The following COL8A2 variants were observed in gnomAD, a reference collection of about 807,000 sequenced individuals.
COL8A2 encodes collagen alpha-2(VIII) chain.
A neutral mutation model predicts 24.0 loss-of-function variants in COL8A2; 16 were observed. The observed-to-expected ratio is 0.67, with a 90% CI of 0.45 to 1.01. The LOEUF (loss-of-function observed/expected upper bound fraction) is 1.01. Ranked by LOEUF, COL8A2 falls within the 50% of genes least tolerant of loss-of-function variation. The pLI, the probability that COL8A2 is intolerant of heterozygous loss-of-function variation, is 0.00. For synonymous variants in COL8A2, 466 were observed against 424.5 expected (o/e 1.10, Z -1.20); for missense variants, 818 against 942.4 (o/e 0.87, Z 1.73).
chr1:36,098,303 C>T lies in COL8A2; in HGVS notation c.1378G>A (p.Gly460Ser). ...LGLPGQPGLR[G>S]PSGIPGLQGP... Reference sequence around the variant, plus strand: ...TGGAGTCCTGGGATTCCTGAGGGACCCCTCAGGCCAGGCTGCCCAGGGAGC... The same window carrying T: ...TGGAGTCCTGGGATTCCTGAGGGACTCCTCAGGCCAGGCTGCCCAGGGAGC... Residue 460 changes from glycine to serine, a missense_variant, in exon 4 of 4, where the codon GGT becomes AGT. Physicochemically the swap from Gly to Ser is moderately conservative, Grantham distance 56. Coordinates refer to ENST00000397799, the MANE Select transcript of COL8A2 (RefSeq NM_005202.4). The T allele has an allele frequency of 1.3e-6, 2 of 1,547,398 alleles. No homozygotes were observed. The highest frequency in any genetic ancestry group is 1.7e-6 in the Non-Finnish European group (2 of 1,146,058).
chr1:36,104,578 C>T (rs542481402), intron 2 of COL8A2, among the ~76,000 whole-genome samples: 22 of 151,822 alleles, frequency 1.4e-4, no homozygotes, highest in South Asian at 4.2e-4. Context: ...GAGGCCGAGG[C>T]GGGCGGATCA....
rs745369274 is a variant in COL8A2 at position 36,100,223 on chromosome 1, G to A, written c.20C>T (p.Pro7Leu). The A allele has an allele frequency of 1.9e-6, 3 of 1,573,182 alleles. No individual in the cohort carries two copies. Among genetic ancestry groups the A allele is most frequent in the South Asian group, 1.1e-5 (1 of 87,210 alleles). Residue 7 changes from proline (P) to leucine (L), a missense_variant, in exon 3 of 4, where the codon CCC becomes CTC. Physicochemically the swap from Pro to Leu is moderately conservative, Grantham distance 98. This residue lies in a region of COL8A2 where 573 missense variants were observed against 616.8 expected (regional missense o/e 0.93). Coordinates refer to ENST00000397799, the MANE Select transcript of COL8A2 (RefSeq NM_005202.4). MLGTLT[P>L]LSSLLLLLLV... Reference sequence around the variant, plus strand: ...TAGCAGCAGCAGCAGCGAAGACAGGGGTGTCAGAGTCCCCAGCATGGCGTC... The same window carrying A: ...TAGCAGCAGCAGCAGCGAAGACAGGAGTGTCAGAGTCCCCAGCATGGCGTC...
At chr1:36,120,091 C>G (rs1230652090) in intron 1 of COL8A2, among the ~76,000 whole-genome samples, 1 of 152,166 alleles carries the variant, frequency 6.6e-6, no homozygotes, top group Non-Finnish European at 1.5e-5. Flanking sequence ...GTTCTGGGCT[C>G]TCTCTGGGTC....
In COL8A2 at chr1:36,097,576, G is replaced by A; in HGVS notation, c.2105C>T (p.Pro702Leu). The A allele has an allele frequency of 1.9e-6, 3 of 1,607,002 alleles. No individual in the cohort carries two copies. Among genetic ancestry groups the A allele is most frequent in the East Asian group, 2.2e-5 (1 of 44,746 alleles). Residue 702 changes from proline (P) to leucine (L), a missense_variant, in exon 4 of 4, where the codon CCC becomes CTC. By Grantham distance (98) the Pro-to-Leu change is moderately conservative (BLOSUM62 -3). This residue lies in a region of COL8A2 where 235 missense variants were observed against 297.3 expected (regional missense o/e 0.79). Transcript: ENST00000397799. ...HSSFSGFLLC[P>L]T ...CAGGACCCCCCCCGCGGGTTATGTG[G>A]GGCAGAGCAAGAATCCTGAAAAGGA...
intron 2 of COL8A2, among the ~76,000 whole-genome samples, chr1:36,107,581 C>T (rs564275307): frequency 6.6e-6 from 1 of 152,260 alleles, no homozygotes; most frequent in Admixed American, 6.5e-5. Flanking sequence ...ACCTGGCATG[C>T]GCCCATCTGG....
intron 1 of COL8A2, among the ~76,000 whole-genome samples, chr1:36,120,763 A>T (rs1191509693): frequency 7.1e-6 from 1 of 141,246 alleles, no homozygotes; most frequent in African/African-American, 2.6e-5. Context: ...AAAAAAAAAA[A>T]ATAGAGAGAG....
At chr1:36,104,357 T>C (rs1273722305) in intron 2 of COL8A2, among the ~76,000 whole-genome samples, 1 of 150,956 alleles carries the variant, frequency 6.6e-6, no homozygotes, top group Non-Finnish European at 1.5e-5. Context: ...CTGGGCGTGG[T>C]GGCATGCACC....
At chr1:36,114,551 C>G (rs1196911391) in intron 2 of COL8A2, among the ~76,000 whole-genome samples, 1 of 152,138 alleles carries the variant, frequency 6.6e-6, no homozygotes, top group African/African-American at 2.4e-5. Flanking sequence ...TTCTACCTTT[C>G]TCCTCCATGG....
intron 1 of COL8A2, among the ~76,000 whole-genome samples, chr1:36,120,520 C>T (rs1043149953): frequency 2.0e-5 from 3 of 151,338 alleles, no homozygotes; most frequent in Non-Finnish European, 4.4e-5. Context: ...GAGGCCGAGG[C>T]GGGCAGATCA....
At chr1:36,113,675 TG>T (rs1332806720) in intron 2 of COL8A2, among the ~76,000 whole-genome samples, 1 of 152,306 alleles carries the variant, frequency 6.6e-6, no homozygotes, top group South Asian at 2.1e-4. Flanking sequence ...CAGGACTGCC[TG>T]GGGGCCACCT....
At position 36,095,793 on chromosome 1, in the gene COL8A2, CCACCAGG is replaced by C. The variant is rs1335327401; in HGVS notation, c.*1769_*1775del. The C allele has an allele frequency of 6.6e-6, 1 of 152,232 alleles. No homozygotes were observed. Among genetic ancestry groups the C allele is most frequent in the Non-Finnish European group, 1.5e-5 (1 of 68,052 alleles). The allele number at this position is 152,232 out of a possible 1,614,324, so 9.4% of individuals were successfully genotyped here. A position where few individuals can be genotyped will look rare whatever the true frequency, so the allele number is the denominator to read the frequency against. On this transcript the variant is annotated 3_prime_UTR_variant, in exon 4 of 4. Coordinates refer to ENST00000397799, the MANE Select transcript of COL8A2 (RefSeq NM_005202.4). ...GAAGAAGAGGTTGAGCGAAGAACCC[CCACCAGG>C]TATGGTTTGAGAGTCCTTAGTTGGT...
intron 2 of COL8A2, among the ~76,000 whole-genome samples, chr1:36,114,434 C>T (rs747498842): frequency 1.5e-4 from 23 of 152,162 alleles, no homozygotes; most frequent in Admixed American, 6.5e-5. Flanking sequence ...GAGCCCACCA[C>T]AGCCCTGGGC....
chr1:36,120,524 C>T (rs578163043), intron 1 of COL8A2, among the ~76,000 whole-genome samples: 87 of 150,880 alleles, frequency 5.8e-4, no homozygotes, highest in Admixed American at 1.5e-3. Context: ...CCGAGGCGGG[C>T]AGATCACAAG....
chr1:36,098,763 G>A lies in COL8A2; in HGVS notation c.918C>T (p.Pro306=), dbSNP rs760229134. ...AGCCAGTGGGGCCTATCAGCCCAGG[G>A]GGGCCCCGGGTCCCTGGCTCCCCTT... ...GAKGEPGTRG[P]PGLIGPTGYG... is the part of the protein sequence containing the mutation. Residue 306 remains proline, a synonymous_variant, in exon 4 of 4, where the codon CCC becomes CCT. Transcript: ENST00000397799. 15 of 1,611,806 alleles carry A rather than the reference G, an allele frequency of 9.3e-6. 1 individual carries two copies. In the South Asian group the frequency reaches 1.2e-4, roughly 13 times the overall value.
chr1:36,108,487 C>T (rs573120095), intron 2 of COL8A2, among the ~76,000 whole-genome samples: 1 of 152,348 alleles, frequency 6.6e-6, no homozygotes, highest in East Asian at 1.9e-4. Context: ...GTGGGACGCA[C>T]ACAGGAGACG....
At chr1:36,108,174 G>A (rs942182185) in intron 2 of COL8A2, among the ~76,000 whole-genome samples, 1 of 152,230 alleles carries the variant, frequency 6.6e-6, no homozygotes, top group Non-Finnish European at 1.5e-5. Flanking sequence ...GCTCATCTGG[G>A]CTAGAACGGG....
chr1:36,122,573 G>C (rs1643922217), intron 1 of COL8A2, among the ~76,000 whole-genome samples: 1 of 151,508 alleles, frequency 6.6e-6, no homozygotes, highest in Admixed American at 6.6e-5. Flanking sequence ...CCTTCTCTGG[G>C]GACAGGCCAC....
At chr1:36,116,787 G>A (rs1369507815) in intron 1 of COL8A2, among the ~76,000 whole-genome samples, 2 of 152,218 alleles carry the variant, frequency 1.3e-5, no homozygotes, top group African/African-American at 4.8e-5. Context: ...GGGCAACATG[G>A]TGAGGAAATC....
At position 36,097,630 on chromosome 1, in the gene COL8A2, C is replaced by G; in HGVS notation, c.2051G>C (p.Gly684Ala). 1 of 1,613,436 alleles carries G rather than the reference C, an allele frequency of 6.2e-7. No individual in the cohort carries two copies. The highest frequency in any genetic ancestry group is 8.5e-7 in the Non-Finnish European group (1 of 1,179,970). ...WVQMPSDQANGLYSTEYIHSS... is the reference protein window; with the variant it reads ...WVQMPSDQANALYSTEYIHSS... Reference sequence around the variant, plus strand: ...GTGGATGTACTCCGTGGAGTAGAGGCCGTTGGCCTGGTCCGACGGCATCTG... The same window carrying G: ...GTGGATGTACTCCGTGGAGTAGAGGGCGTTGGCCTGGTCCGACGGCATCTG... Residue 684 changes from glycine to alanine, a missense_variant, in exon 4 of 4, where the codon GGC becomes GCC. By Grantham distance (60) the Gly-to-Ala change is moderately conservative. This residue lies in a region of COL8A2 where 235 missense variants were observed against 297.3 expected (regional missense o/e 0.79). Transcript: ENST00000397799.
Sources: allele counts gnomAD v4.1 joint callset (sites outside exome capture counted in the v4.1 genomes callset), GRCh38; gene constraint gnomAD v4.1.1; regional missense constraint gnomAD v4.1.1; transcripts MANE v1.5; gene names NCBI Gene and HGNC (gene_info 2026-07-23, HGNC 2026-07-21).